The following PPFIBP1 variants were observed in gnomAD, a reference collection of about 807,000 sequenced individuals.
PPFIBP1 encodes the protein liprin-beta-1.
A neutral mutation model predicts 137.8 loss-of-function variants in PPFIBP1; 112 were observed. That is an observed-to-expected ratio of 0.81 (90% CI 0.70 to 0.95). The LOEUF (loss-of-function observed/expected upper bound fraction) is 0.95, where lower values mean the gene tolerates loss of function less well. Among genes scored for constraint, PPFIBP1 ranks in the 40% least tolerant of loss-of-function variants. PPFIBP1 has a pLI of 0.00. For missense variants in PPFIBP1, 1,083 were observed against 1,196.6 expected, an observed-to-expected ratio of 0.91 and a Z score of 1.40; for synonymous variants, 378 against 417.3, an observed-to-expected ratio of 0.91 and a Z score of 1.15.
In PPFIBP1 at chr12:27,658,875, C is replaced by T. The variant is rs769467276; in HGVS notation, c.844+27C>T. 15 of 1,600,406 alleles carry T rather than the reference C, an allele frequency of 9.4e-6. No individual in the cohort carries two copies. In the South Asian group the frequency reaches 1.7e-4, roughly 18 times the overall value. The stretch of plus-strand genomic sequence containing the variant: ...TAAGGTTTGGTGCATTTCCATCAGC[C>T]TTTACATTCACCAAAAATACTACCT... On this transcript the variant is annotated intron_variant, in intron 10 of 29. Coordinates refer to ENST00000228425, the MANE Select transcript of PPFIBP1 (RefSeq NM_003622.4).
chr12:27,530,429 G>T (rs1478936307), intron 1 of PPFIBP1, among the ~76,000 whole-genome samples: 2 of 152,176 alleles, frequency 1.3e-5, no homozygotes, highest in Non-Finnish European at 2.9e-5. Context: ...GGATGGTTTT[G>T]TCAAACTTTC....
chr12:27,692,461 G>C, intron 28 of PPFIBP1, 130 bp from the exon 29 acceptor site: 1 of 800,872 alleles, frequency 1.2e-6, no homozygotes, highest in African/African-American at 1.7e-5. Context: ...ATTATCACCA[G>C]AAGTGTTCTG....
intron 24 of PPFIBP1, among the ~76,000 whole-genome samples, chr12:27,685,936 A>G (rs2061176945): frequency 6.6e-6 from 1 of 152,248 alleles, no homozygotes; most frequent in African/African-American, 2.4e-5. Context: ...TTGATATAAA[A>G]TAAAACTTTC....
At chr12:27,620,915 C>T (rs920689011) in intron 2 of PPFIBP1, among the ~76,000 whole-genome samples, 2 of 152,090 alleles carry the variant, frequency 1.3e-5, no homozygotes, top group African/African-American at 2.4e-5. Flanking sequence ...GGTTTCTTGC[C>T]GTTACAATGT....
chr12:27,554,422 G>T (rs1309760813), intron 1 of PPFIBP1, among the ~76,000 whole-genome samples: 1 of 152,224 alleles, frequency 6.6e-6, no homozygotes, highest in East Asian at 1.9e-4. Context: ...ATCAGTGATT[G>T]GGAGTTGCGG....
At chr12:27,598,237 C>T (rs2053547270) in intron 2 of PPFIBP1, among the ~76,000 whole-genome samples, 1 of 152,210 alleles carries the variant, frequency 6.6e-6, no homozygotes, top group Non-Finnish European at 1.5e-5. Context: ...TTAATGGACT[C>T]ACAGTTCCAT....
chr12:27,628,848 T>G (rs1565898278), intron 2 of PPFIBP1, among the ~76,000 whole-genome samples: 1 of 152,188 alleles, frequency 6.6e-6, no homozygotes, highest in Non-Finnish European at 1.5e-5. Flanking sequence ...AGAGAACTGA[T>G]AAATCATGCA....
At chr12:27,630,078 T>G (rs1362863371) in intron 2 of PPFIBP1, among the ~76,000 whole-genome samples, 1 of 152,130 alleles carries the variant, frequency 6.6e-6, no homozygotes, top group Non-Finnish European at 1.5e-5. Flanking sequence ...AAATCTTGTG[T>G]GTTACTGAGT....
At chr12:27,565,191 A>G (rs897621240) in intron 1 of PPFIBP1, among the ~76,000 whole-genome samples, 2 of 152,216 alleles carry the variant, frequency 1.3e-5, no homozygotes, top group Non-Finnish European at 2.9e-5. Context: ...TCAAATGTCA[A>G]CAGGGGCCAT....
Position 27,673,775 on chromosome 12 carries a change from G to T in PPFIBP1, c.1328G>T (p.Ser443Ile), listed in dbSNP as rs756350069. The change falls in exon 16 of 30, where the codon AGT becomes ATT. Residue 443 changes from serine to isoleucine, a missense_variant. By Grantham distance (142) the Ser-to-Ile change is moderately radical. Coordinates refer to ENST00000228425, the MANE Select transcript of PPFIBP1 (RefSeq NM_003622.4). ...TQLCDKLLTSSLQKSSSLGNL... is the reference protein window; with the variant it reads ...TQLCDKLLTSILQKSSSLGNL... ...ATTACTGTTATTTTTAGAACTTCAA[G>T]TCTGCAGAAGTCCAGCAGCCTGGGC... The T allele has an allele frequency of 6.2e-7, 1 of 1,612,904 alleles. No homozygotes were observed. Among genetic ancestry groups the T allele is most frequent in the East Asian group, 2.2e-5 (1 of 44,846 alleles).
chr12:27,597,873 C>G (rs1453502546), intron 2 of PPFIBP1, among the ~76,000 whole-genome samples: 2 of 151,980 alleles, frequency 1.3e-5, no homozygotes, highest in African/African-American at 4.8e-5. Flanking sequence ...GGCATGATCT[C>G]CAGCTCACTG....
At chr12:27,682,323 A>C in intron 22 of PPFIBP1, 64 bp from the exon 23 acceptor site, 1 of 1,121,664 alleles carries the variant, frequency 8.9e-7, no homozygotes, top group Non-Finnish European at 1.3e-6. Flanking sequence ...AGAAATTTGC[A>C]TCCTTTGCCA....
At chr12:27,645,360 G>A (rs1187185834) in intron 4 of PPFIBP1, among the ~76,000 whole-genome samples, 3 of 152,166 alleles carry the variant, frequency 2.0e-5, no homozygotes, top group African/African-American at 7.2e-5. Flanking sequence ...GGCAGCTGAG[G>A]AAGAAACAAT....
At chr12:27,557,082 T>C (rs2048757439) in intron 1 of PPFIBP1, among the ~76,000 whole-genome samples, 2 of 152,150 alleles carry the variant, frequency 1.3e-5, no homozygotes, top group African/African-American at 4.8e-5. Flanking sequence ...ATGACTGGTT[T>C]CCATATGTGT....
At chr12:27,679,421 C>G in intron 19 of PPFIBP1, 68 bp from the exon 20 acceptor site, 1 of 1,452,794 alleles carries the variant, frequency 6.9e-7, no homozygotes, top group African/African-American at 1.4e-5. Flanking sequence ...GTTCTAGAAC[C>G]AAGAAGATTA....
chr12:27,681,749 T>G, intron 22 of PPFIBP1, 53 bp downstream of exon 22: 1 of 1,597,644 alleles, frequency 6.3e-7, no homozygotes, highest in South Asian at 1.1e-5. Flanking sequence ...GAAAACAGTA[T>G]GAATGTAGGG....
Position 27,650,119 on chromosome 12 carries a change from A to C in PPFIBP1, c.581A>C (p.Glu194Ala), listed in dbSNP as rs1408735471. The change falls in exon 7 of 30, where the codon GAA (glutamate) becomes GCA (alanine). Residue 194 changes from glutamate to alanine, a missense_variant. Glu to Ala is a moderately radical substitution (Grantham distance 107). Transcript: ENST00000228425. ...GTAGAGAAGGACAGATTGGATTATG[A>C]AGATAAGTTCAGAGACACAGAGGTG... The part of the protein sequence containing the change: ...TAVEKDRLDY[E>A]DKFRDTEGLI... 2 of 1,607,676 alleles carry C rather than the reference A, an allele frequency of 1.2e-6. No homozygotes were observed. The highest frequency in any genetic ancestry group is 1.7e-6 in the Non-Finnish European group (2 of 1,174,454).
chr12:27,606,492 T>C (rs2054535998), intron 2 of PPFIBP1, among the ~76,000 whole-genome samples: 1 of 152,250 alleles, frequency 6.6e-6, no homozygotes, highest in Non-Finnish European at 1.5e-5. Flanking sequence ...GTTTTCTTTT[T>C]TTCCACCAGA....
At chr12:27,678,856 CAAAAAAAAAAA>C (rs60834907) in intron 19 of PPFIBP1, among the ~76,000 whole-genome samples, 7 of 98,946 alleles carry the variant, frequency 7.1e-5, no homozygotes, top group Non-Finnish European at 9.5e-5. Context: ...GACTCTGTCT[CAAAAAAAAAAA>C]AAAAAAAAAA....
Sources: gnomAD v4.1 joint callset for allele counts (sites outside exome capture counted in the v4.1 genomes callset) on GRCh38, gnomAD v4.1.1 for gene constraint, MANE v1.5 for transcripts, NCBI Gene and HGNC (gene_info 2026-07-23, HGNC 2026-07-21) for gene names.